Variants in HERC3 observed in about 807,000 individuals in gnomAD.
HERC3 encodes the protein probable E3 ubiquitin-protein ligase HERC3.
In HERC3, 58 loss-of-function variants were observed where a neutral mutation model predicts 129.9. The ratio of observed to expected loss-of-function variants is 0.45; its 90% confidence interval spans 0.36 to 0.56. HERC3 has a LOEUF of 0.56. HERC3 is among the 20% of genes least tolerant of loss of function. The pLI is 0.00. For synonymous variants in HERC3, 430 were observed against 451.0 expected (o/e 0.95, Z 0.59); for missense variants, 835 against 1,244.2 (o/e 0.67, Z 4.95).
At chr4:88,674,210 G>C (rs913405022) in intron 16 of HERC3, among the ~76,000 whole-genome samples, 1 of 152,094 alleles carries the variant, frequency 6.6e-6, no homozygotes, top group African/African-American at 2.4e-5. Context: ...TTTAAGGGGT[G>C]CAGGGAGGCT....
chr4:88,626,173 G>A (rs1264817616), intron 3 of HERC3, among the ~76,000 whole-genome samples: 2 of 151,964 alleles, frequency 1.3e-5, no homozygotes, highest in Non-Finnish European at 2.9e-5. Flanking sequence ...AGAAGAGTTT[G>A]TTTATGTTAA....
chr4:88,539,896 C>T, the HERC3 span, among the ~76,000 whole-genome samples: 36 of 152,204 alleles, frequency 2.4e-4, no homozygotes, highest in South Asian at 3.1e-3. Context: ...GCATCAACAT[C>T]AACAAAAAGG....
chr4:88,573,655 T>A, the HERC3 span, among the ~76,000 whole-genome samples: 1 of 152,162 alleles, frequency 6.6e-6, no homozygotes, highest in South Asian at 2.1e-4. Context: ...CCAAAGGAGA[T>A]TCCCATGCCT....
the HERC3 span, among the ~76,000 whole-genome samples, chr4:88,570,914 C>T: frequency 2.0e-5 from 3 of 151,366 alleles, no homozygotes; most frequent in Admixed American, 2.0e-4. Flanking sequence ...CCACCACCCC[C>T]AGCTAATTTT....
chr4:88,642,130 C>CAAAA (rs200464130), intron 3 of HERC3, among the ~76,000 whole-genome samples: 6 of 76,984 alleles, frequency 7.8e-5, no homozygotes, highest in Admixed American at 1.2e-4. Context: ...GACTCTGTCT[C>CAAAA]AAAAAAAAAA....
intron 16 of HERC3, among the ~76,000 whole-genome samples, chr4:88,670,837 A>AGAGTGAC (rs948342949): frequency 2.0e-5 from 3 of 152,164 alleles, no homozygotes; most frequent in Non-Finnish European, 4.4e-5. Flanking sequence ...CTGGAGTTCA[A>AGAGTGAC]GAGTGACTCT....
chr4:88,544,492 A>C, the HERC3 span, among the ~76,000 whole-genome samples: 1 of 152,258 alleles, frequency 6.6e-6, no homozygotes, highest in African/African-American at 2.4e-5. Context: ...TCATTCAACC[A>C]TTGTGGAAGG....
At chr4:88,619,322 G>T (rs1429262144) in intron 3 of HERC3, among the ~76,000 whole-genome samples, 1 of 152,108 alleles carries the variant, frequency 6.6e-6, no homozygotes, top group Non-Finnish European at 1.5e-5. Flanking sequence ...TTTATTTCTG[G>T]TCAAGACTGC....
At chr4:88,580,495 C>A in the HERC3 span, among the ~76,000 whole-genome samples, 1 of 150,886 alleles carries the variant, frequency 6.6e-6, no homozygotes, top group Non-Finnish European at 1.5e-5. Context: ...CCAGCCTGGA[C>A]AAAAGAGGGA....
chr4:88,654,090 T>C lies in HERC3; in HGVS notation c.734T>C (p.Val245Ala). ...HVKLLRTQKV[V>A]YISCGEEHTA... ...AAACTCTTACGCACGCAAAAAGTTG[T>C]CTATATTAGTTGTGGAGAAGAACAC... The change falls in exon 7 of 26, where the codon GTC becomes GCC. Residue 245 changes from valine to alanine, a missense_variant. Transcript: ENST00000402738. 6.2e-7 allele frequency: 1 copy of C among 1,613,646 alleles called. No individual in the cohort carries two copies. The highest frequency in any genetic ancestry group is 8.5e-7 in the Non-Finnish European group (1 of 1,179,732).
At chr4:88,665,296 A>G (rs1393743133) in intron 12 of HERC3, among the ~76,000 whole-genome samples, 1 of 152,182 alleles carries the variant, frequency 6.6e-6, no homozygotes, top group Non-Finnish European at 1.5e-5. Context: ...AGCTTAGTAT[A>G]AGTCCAAAGG....
chr4:88,690,518 G>A (rs1029382373), intron 23 of HERC3: 1 of 985,294 alleles, frequency 1.0e-6, no homozygotes, highest in Admixed American at 6.1e-5. Flanking sequence ...GGATAGGCAA[G>A]CATCCTGAGG....
At chr4:88,527,826 C>T in the HERC3 span, 19 of 326,980 alleles carry the variant, frequency 5.8e-5, no homozygotes, top group East Asian at 5.6e-4. Flanking sequence ...ACTTTGTTTA[C>T]GAACGGAAGC....
chr4:88,558,230 G>C, the HERC3 span, among the ~76,000 whole-genome samples: 1 of 152,136 alleles, frequency 6.6e-6, no homozygotes, highest in Admixed American at 6.6e-5. Context: ...ATTAGCCATT[G>C]GGAAGATGTG....
chr4:88,575,238 T>C, the HERC3 span, among the ~76,000 whole-genome samples: 1 of 152,224 alleles, frequency 6.6e-6, no homozygotes, highest in Admixed American at 6.5e-5. Context: ...CTCTATAGGA[T>C]TTTTTCTTTT....
At chr4:88,690,406 G>A (rs894756619) in intron 23 of HERC3, 2 of 985,282 alleles carry the variant, frequency 2.0e-6, no homozygotes, top group Middle Eastern at 5.2e-4. Flanking sequence ...GAGTACGTAT[G>A]TAGATACATA....
intron 23 of HERC3, chr4:88,690,402 G>A (rs1055967503): frequency 6.1e-6 from 6 of 985,162 alleles, no homozygotes; most frequent in Non-Finnish European, 7.2e-6. Flanking sequence ...GTGTGAGTAC[G>A]TATGTAGATA....
rs112441055 is a variant in HERC3, at chr4:88,667,287, C to G, written c.1332-90C>G. 7.8e-4 allele frequency: 464 copies of G among 593,316 alleles called. 3 individuals are homozygous for G. In the African/African-American group the frequency reaches 8.0e-3, roughly 10 times the overall value. 36.8% of individuals were successfully genotyped at this position (593,316 alleles called of 1,614,324 possible). A position where few individuals can be genotyped will look rare whatever the true frequency, so the allele number is the denominator to read the frequency against. ...GCCAGATCAAATTTAAATCTGATTACTAAGAACACAGTATTTTACTTGTTT... is the reference window on the plus strand; with the variant it reads ...GCCAGATCAAATTTAAATCTGATTAGTAAGAACACAGTATTTTACTTGTTT... On this transcript the variant is annotated intron_variant, in intron 12 of 25. Transcript: ENST00000402738.
At chr4:88,590,578 AC>A (rs562367932), upstream of HERC3, among the ~76,000 whole-genome samples, 1 of 152,166 alleles carries the variant, frequency 6.6e-6, no homozygotes, top group African/African-American at 2.4e-5. Flanking sequence ...AAACAAAAAA[AC>A]AACAACAAAA....
Sources: allele counts gnomAD v4.1 joint callset (sites outside exome capture counted in the v4.1 genomes callset), GRCh38; gene constraint gnomAD v4.1.1; transcripts MANE v1.5; gene names NCBI Gene and HGNC (gene_info 2026-07-23, HGNC 2026-07-21).